TEX15: variants seen among roughly 807,000 people sequenced by gnomAD.
TEX15 encodes testis-expressed protein 15.
A neutral mutation model predicts 237.3 loss-of-function variants in TEX15; 171 were observed. That is an observed-to-expected ratio of 0.72 (90% confidence interval 0.64 to 0.82). The LOEUF is 0.82. Ranked by LOEUF, TEX15 falls within the 40% of genes least tolerant of loss-of-function variation. The probability of loss-of-function intolerance (pLI) is 0.00; values close to 1 mark genes in which losing one functional copy is unlikely to be tolerated. For synonymous variants in TEX15, 1,338 were observed against 1,269.8 expected (o/e 1.05, Z -1.14); for missense variants, 3,750 against 3,646.5 (o/e 1.03, Z -0.73).
intron 3 of TEX15, among the ~76,000 whole-genome samples, chr8:30,886,577 T>C (rs1351041114): frequency 6.8e-6 from 1 of 147,370 alleles, no homozygotes; most frequent in Non-Finnish European, 1.5e-5. Flanking sequence ...GGATCACCAC[T>C]GGCACCATGG....
rs1807489319 is a variant in TEX15 at position 30,842,674 on chromosome 8, A to G, written c.7493T>C (p.Leu2498Pro). Residue 2498 changes from leucine (L) to proline (P), a missense_variant, in exon 8 of 11, where the codon CTT becomes CCT. By Grantham distance (98) the Leu-to-Pro change is moderately conservative (BLOSUM62 -3). Coordinates refer to ENST00000643185, the MANE Select transcript of TEX15 (RefSeq NM_001350162.2). ...GCAAACATCTGTTGAGTTATCTTTAAGAAATGAAAAAGAAGCCATTTTTTC... is the reference window on the plus strand; with the variant it reads ...GCAAACATCTGTTGAGTTATCTTTAGGAAATGAAAAAGAAGCCATTTTTTC... ...CQEKMASFSFLKDNSTDVCLW... is the reference protein window; with the variant it reads ...CQEKMASFSFPKDNSTDVCLW... 4 of 1,612,824 alleles carry G rather than the reference A, an allele frequency of 2.5e-6. No individual in the cohort carries two copies. Among genetic ancestry groups the G allele is most frequent in the Non-Finnish European group, 3.4e-6 (4 of 1,179,828 alleles).
chr8:30,910,436 T>C (rs547572264), intron 1 of TEX15, among the ~76,000 whole-genome samples: 2 of 152,204 alleles, frequency 1.3e-5, no homozygotes, highest in African/African-American at 4.8e-5. Flanking sequence ...ATTTCTTATG[T>C]TTGCCTAGTT....
intron 6 of TEX15, 35 bp downstream of exon 6, chr8:30,859,876 T>C: frequency 7.4e-7 from 1 of 1,359,830 alleles, no homozygotes; most frequent in Non-Finnish European, 9.5e-7. Flanking sequence ...GTGAAACATG[T>C]ACTTTTCAAG....
rs752406689 is a variant in TEX15, at chr8:30,843,180, A to G, written c.6987T>C (p.Pro2329=). 2 of 1,613,478 alleles carry G rather than the reference A, an allele frequency of 1.2e-6. No homozygotes were observed. The highest frequency in any genetic ancestry group is 1.3e-5 in the African/African-American group (1 of 75,040). ...SKDLNNEPIS[P]IGLEEDTIIA... ...TTATAGTATCCTCCTCAAGCCCAAT[A>G]GGGGAAATTGGTTCATTGTTTAAAT... Residue 2329 remains proline (P), a synonymous_variant, in exon 8 of 11, where the codon CCT becomes CCC. Coordinates refer to ENST00000643185, the MANE Select transcript of TEX15 (RefSeq NM_001350162.2).
In TEX15 at chr8:30,848,647, T is replaced by C; in HGVS notation, c.1520A>G (p.Gln507Arg). 1.2e-6 allele frequency: 2 copies of C among 1,614,166 alleles called. No individual in the cohort carries two copies. The highest frequency in any genetic ancestry group is 1.7e-6 in the Non-Finnish European group (2 of 1,180,022). The change falls in exon 8 of 11, where the codon CAA becomes CGA. Residue 507 changes from glutamine (Q) to arginine (R), a missense_variant. Physicochemically the swap from Gln to Arg is conservative, Grantham distance 43. Transcript: ENST00000643185. ...PCFKTSVNDS[Q>R]SWAHNMGSED... is the part of the protein sequence containing the mutation. Reference sequence around the variant, plus strand: ...AGAGCCCATGTTGTGAGCCCAAGATTGTGAATCATTAACAGAAGTTTTAAA... The same window carrying C: ...AGAGCCCATGTTGTGAGCCCAAGATCGTGAATCATTAACAGAAGTTTTAAA...
chr8:30,836,464 G>A (rs1053090007), intron 10 of TEX15, among the ~76,000 whole-genome samples: 4 of 151,620 alleles, frequency 2.6e-5, no homozygotes, highest in Non-Finnish European at 4.4e-5. Flanking sequence ...TGCCCCCCTC[G>A]GCCTCCCAAA....
At chr8:30,874,408 T>G (rs1471040710) in intron 4 of TEX15, among the ~76,000 whole-genome samples, 1 of 152,216 alleles carries the variant, frequency 6.6e-6, no homozygotes, top group African/African-American at 2.4e-5. Context: ...GCTCTTATTC[T>G]TATCAAAATG....
chr8:30,860,769 C>T (rs1808032865), intron 5 of TEX15, among the ~76,000 whole-genome samples: 1 of 151,796 alleles, frequency 6.6e-6, no homozygotes, highest in Non-Finnish European at 1.5e-5. Context: ...AGGCTGGGCT[C>T]GAATTCCTGA....
At chr8:30,855,882 A>G (rs940901151) in intron 7 of TEX15, among the ~76,000 whole-genome samples, 2 of 152,204 alleles carry the variant, frequency 1.3e-5, no homozygotes, top group African/African-American at 2.4e-5. Flanking sequence ...GATTAGGCAA[A>G]TAAGTACATT....
intron 7 of TEX15, among the ~76,000 whole-genome samples, chr8:30,857,171 ACTGCAGTAT>A (rs1389050899): frequency 1.3e-5 from 2 of 152,206 alleles, no homozygotes; most frequent in Non-Finnish European, 2.9e-5. Flanking sequence ...TAGAGGTGGT[ACTGCAGTAT>A]ACATCAGTGG....
chr8:30,836,682 T>C lies in TEX15; in HGVS notation c.9481+121A>G. On this transcript the variant is annotated intron_variant, in intron 10 of 10. Transcript: ENST00000643185. Reference sequence around the variant, plus strand: ...ATCCATTGGCAATTCTACAAATCTGTACAGAAAAATGACTGCTCTTTCTCC... The same window carrying C: ...ATCCATTGGCAATTCTACAAATCTGCACAGAAAAATGACTGCTCTTTCTCC... The C allele has an allele frequency of 4.4e-6, 4 of 917,360 alleles. No individual in the cohort carries two copies. In the South Asian group the frequency reaches 5.2e-5, roughly 12 times the overall value. The allele number at this position is 917,360 out of a possible 1,614,324, so 56.8% of individuals were successfully genotyped here.
chr8:30,883,370 T>C (rs1808575099), intron 3 of TEX15, among the ~76,000 whole-genome samples: 1 of 91,488 alleles, frequency 1.1e-5, no homozygotes, highest in Admixed American at 1.3e-4. Context: ...CAGTATTTTC[T>C]TTTTTTTTTA....
In TEX15 at chr8:30,844,342, G is replaced by T. The variant is rs1243452957; in HGVS notation, c.5825C>A (p.Ser1942Ter). The T allele has an allele frequency of 6.2e-7, 1 of 1,612,222 alleles. No individual in the cohort carries two copies. The highest frequency in any genetic ancestry group is 1.7e-5 in the Admixed American group (1 of 59,756). Residue 1942 changes from serine to a stop codon, truncating the protein, a stop_gained, in exon 8 of 11, where the codon TCA becomes TAA. Transcript: ENST00000643185. LOFTEE classifies it high-confidence loss of function. ...TGGTTTGGAAATATAGGCTATTTCT[G>T]AATGTAATGTCAAGTCAGACTGCGA... is the stretch of plus-strand genomic sequence containing the variant. ...KDSQSDLTLHSEIAYISKPGI... is the reference protein window; with the variant it reads ...KDSQSDLTLH
In TEX15 at chr8:30,839,950, A is replaced by T; in HGVS notation, c.8178T>A (p.Asp2726Glu). The T allele has an allele frequency of 6.3e-7, 1 of 1,598,750 alleles. No homozygotes were observed. The highest frequency in any genetic ancestry group is 8.5e-7 in the Non-Finnish European group (1 of 1,172,428). ...SCKKLKVDMKDVTKINREKAT... is the reference protein window; with the variant it reads ...SCKKLKVDMKEVTKINREKAT... The stretch of plus-strand genomic sequence containing the variant: ...CCTTTTCTCTGTTGATTTTTGTGAC[A>T]TCTTTCATGTCTACCTGTGTTTAAA... Residue 2726 changes from aspartate to glutamate, a missense_variant, in exon 9 of 11, where the codon GAT becomes GAA. Physicochemically the swap from Asp to Glu is conservative, Grantham distance 45 (BLOSUM62 2). Transcript: ENST00000643185.
chr8:30,852,046 A>T (rs972359931), intron 7 of TEX15, among the ~76,000 whole-genome samples: 7 of 151,472 alleles, frequency 4.6e-5, no homozygotes, highest in Admixed American at 3.9e-4. Flanking sequence ...CTTATAAAAT[A>T]CTTAACATGG....
intron 1 of TEX15, among the ~76,000 whole-genome samples, chr8:30,899,817 C>A (rs1305928503): frequency 2.6e-5 from 4 of 152,166 alleles, no homozygotes; most frequent in Non-Finnish European, 4.4e-5. Flanking sequence ...CAACAGAAAA[C>A]TATAATTAGC....
In TEX15 at chr8:30,900,813, A is replaced by T. The variant is rs935577248; in HGVS notation, c.-85-1996T>A. Among the ~76,000 whole-genome samples the T allele has an allele frequency of 5.9e-5, 9 of 152,242 alleles. No homozygotes were observed. In the East Asian group the frequency reaches 1.7e-3, roughly 29 times the overall value. ...CACCAACCACAGGTTTTAACAAAGA[A>T]GGTACTGATTTGGTAAACCTTTCTA... On this transcript the variant is annotated intron_variant, in intron 1 of 10. Transcript: ENST00000643185.
chr8:30,902,971 G>T (rs1488321706), intron 1 of TEX15, among the ~76,000 whole-genome samples: 1 of 152,196 alleles, frequency 6.6e-6, no homozygotes, highest in African/African-American at 2.4e-5. Flanking sequence ...TCAGGGAAAA[G>T]GCAAGAGAGG....
chr8:30,834,357 A>T (rs949718954), intron 10 of TEX15, among the ~76,000 whole-genome samples: 2 of 152,122 alleles, frequency 1.3e-5, no homozygotes, highest in African/African-American at 4.8e-5. Flanking sequence ...TTTTTAGTAG[A>T]GATAGGGTTG....
Sources: gnomAD v4.1 joint callset for allele counts (sites outside exome capture counted in the v4.1 genomes callset) on GRCh38, gnomAD v4.1.1 for gene constraint, MANE v1.5 for transcripts, NCBI Gene and HGNC (gene_info 2026-07-23, HGNC 2026-07-21) for gene names.